The following MTREX variants were observed in gnomAD, a reference collection of about 807,000 sequenced individuals.
The protein encoded by MTREX is Mtr4 exosome RNA helicase, also known as exosome RNA helicase MTR4.
In MTREX, 76 loss-of-function variants were observed where a neutral mutation model predicts 135.4. That is an observed-to-expected ratio of 0.56 (90% CI 0.47 to 0.68). The LOEUF (loss-of-function observed/expected upper bound fraction) is 0.68. Ranked by LOEUF, MTREX falls within the 30% of genes least tolerant of loss-of-function variation. The pLI is 0.00. For missense variants in MTREX, 920 were observed against 1,262.1 expected (o/e 0.73, Z 4.11); for synonymous variants, 404 against 401.6 (o/e 1.01, Z -0.07).
chr5:55,335,122 A>T (rs1196917070), intron 5 of MTREX, among the ~76,000 whole-genome samples: 1 of 151,934 alleles, frequency 6.6e-6, no homozygotes, highest in Non-Finnish European at 1.5e-5. Context: ...TCATTTCTTT[A>T]TATATCTTTG....
chr5:55,418,611 C>T (rs899040151), intron 25 of MTREX, among the ~76,000 whole-genome samples: 4 of 151,798 alleles, frequency 2.6e-5, no homozygotes, highest in Non-Finnish European at 5.9e-5. Flanking sequence ...TTAGATCTAA[C>T]ATCTGCATAA....
intron 1 of MTREX, among the ~76,000 whole-genome samples, chr5:55,321,142 A>T (rs1044661213): frequency 3.3e-5 from 5 of 152,190 alleles, no homozygotes; most frequent in African/African-American, 9.6e-5. Context: ...ATTTAAAAAA[A>T]TTTTAATCTT....
At chr5:55,408,917 TTTTATTTATTTATTTA>T (rs140029940) in intron 22 of MTREX, among the ~76,000 whole-genome samples, 112,950 of 144,176 alleles carry the variant, frequency 0.78, 45,290 homozygotes, top group Middle Eastern at 0.88. Context: ...TGAACAATAT[TTTTATTTATTTATTTA>T]TTTATTTATT....
chr5:55,416,754 T>TTGGC, intron 25 of MTREX, among the ~76,000 whole-genome samples: 1 of 152,196 alleles, frequency 6.6e-6, no homozygotes, highest in African/African-American at 2.4e-5. Context: ...AAAAGATTGG[T>TTGGC]TTGTGTGTTT....
rs779164489 is a variant in MTREX at position 55,324,194 on chromosome 5, A to G, written c.335A>G (p.His112Arg). ...GTTGAAACTGTTGAAGGGTGTACAC[A>G]TGAGGTAAGCACAAACAGCATACAG... Reference protein sequence around the residue: ...QSVETVEGCTHEVALPAEEDY... With the variant: ...QSVETVEGCTREVALPAEEDY... Residue 112 changes from histidine to arginine, a missense_variant, in exon 3 of 27, where the codon CAT becomes CGT. Transcript: ENST00000230640. The G allele has an allele frequency of 4.4e-6, 7 of 1,607,898 alleles. No individual in the cohort carries two copies. Among genetic ancestry groups the G allele is most frequent in the South Asian group, 1.1e-5 (1 of 90,602 alleles).
chr5:55,318,464 T>C lies in MTREX; in HGVS notation c.135-3863T>C, dbSNP rs546141412. On this transcript the variant is annotated intron_variant, in intron 1 of 26. Coordinates refer to ENST00000230640, the MANE Select transcript of MTREX (RefSeq NM_015360.5). ...GTGAAAAAGAATGAGATCATGTCTT[T>C]TGCAGGAACATGGATGGAGCTGGAG... is the stretch of plus-strand genomic sequence containing the variant. 8.5e-5 allele frequency among the ~76,000 whole-genome samples: 13 copies of C among 152,368 alleles called. No homozygotes were observed. The East Asian group carries it at 1.9e-3, about 23-fold the overall frequency.
At chr5:55,340,533 G>T (rs16884079) in intron 6 of MTREX, among the ~76,000 whole-genome samples, 19,298 of 149,454 alleles carry the variant, frequency 0.13, 1,423 homozygotes, top group East Asian at 0.26. Context: ...TGACTTTGCC[G>T]TCTTCTATAT....
intron 18 of MTREX, among the ~76,000 whole-genome samples, chr5:55,386,399 T>G (rs901420237): frequency 6.6e-6 from 1 of 152,166 alleles, no homozygotes; most frequent in African/African-American, 2.4e-5. Context: ...TAACTAGTTT[T>G]TTTATCTGAA....
Position 55,353,179 on chromosome 5 carries a change from C to T in MTREX, c.1443C>T (p.Ala481=), listed in dbSNP as rs1362084419. The T allele has an allele frequency of 7.5e-6, 12 of 1,589,904 alleles. No individual in the cohort carries two copies. The highest frequency in any genetic ancestry group is 1.2e-5 in the South Asian group (1 of 86,418). The change falls in exon 14 of 27, where the codon GCC becomes GCT. Residue 481 remains alanine (A), a synonymous_variant. Coordinates refer to ENST00000230640, the MANE Select transcript of MTREX (RefSeq NM_015360.5). ...FSEGLIKALF[A]TETFAMGINM... is the part of the protein sequence containing the mutation. ...ACTTATTTACTTAGGCCTTATTTGCCACGGAGACCTTTGCTATGGGAATTA... is the reference window on the plus strand; with the variant it reads ...ACTTATTTACTTAGGCCTTATTTGCTACGGAGACCTTTGCTATGGGAATTA...
At chr5:55,401,071 G>A (rs753699039) in intron 21 of MTREX, among the ~76,000 whole-genome samples, 7 of 152,222 alleles carry the variant, frequency 4.6e-5, no homozygotes, top group South Asian at 2.1e-4. Context: ...GTCCTGCTCC[G>A]TCACCCAGGC....
chr5:55,394,974 A>C (rs1270039739), intron 19 of MTREX, among the ~76,000 whole-genome samples: 1 of 152,006 alleles, frequency 6.6e-6, no homozygotes, highest in East Asian at 1.9e-4. Context: ...CGGAGATTGC[A>C]GTGAACCGAG....
chr5:55,399,040 T>G (rs1270092212), intron 20 of MTREX, among the ~76,000 whole-genome samples: 1 of 152,160 alleles, frequency 6.6e-6, no homozygotes, highest in Non-Finnish European at 1.5e-5. Flanking sequence ...AACCGCAATT[T>G]TAGTGTTTTC....
At chr5:55,354,333 TGCTAA>T (rs1206557356) in intron 14 of MTREX, among the ~76,000 whole-genome samples, 1 of 152,212 alleles carries the variant, frequency 6.6e-6, no homozygotes, top group African/African-American at 2.4e-5. Flanking sequence ...GATGAGAATT[TGCTAA>T]GCAGACAGTA....
chr5:55,371,824 A>G, intron 16 of MTREX, among the ~76,000 whole-genome samples: 2 of 152,192 alleles, frequency 1.3e-5, no homozygotes, highest in East Asian at 3.9e-4. Flanking sequence ...GACTGTACCT[A>G]AAGTTAATAA....
chr5:55,343,865 A>C (rs1749690097), intron 8 of MTREX, among the ~76,000 whole-genome samples: 1 of 152,118 alleles, frequency 6.6e-6, no homozygotes, highest in Admixed American at 6.5e-5. Flanking sequence ...TCTCATGTAA[A>C]CACAGACTTT....
At chr5:55,370,191 G>A (rs1750173997) in intron 16 of MTREX, among the ~76,000 whole-genome samples, 1 of 152,056 alleles carries the variant, frequency 6.6e-6, no homozygotes, top group Admixed American at 6.6e-5. Context: ...CCAAAGTGCT[G>A]GGATTATAGG....
Position 55,345,082 on chromosome 5 carries a change from TTG to T in MTREX, c.1006-9_1006-8del. 6.4e-7 allele frequency: 1 copy of T among 1,565,760 alleles called. No homozygotes were observed. Among genetic ancestry groups the T allele is most frequent in the Non-Finnish European group, 8.8e-7 (1 of 1,142,122 alleles). ...ATTAGTGAAGTTACACAGAAAAAATTTGTGATTCCAGGGTGACTTCAGAGAAG... is the reference window on the plus strand; with the variant it reads ...ATTAGTGAAGTTACACAGAAAAAATTTGATTCCAGGGTGACTTCAGAGAAG... On this transcript the variant is annotated splice_polypyrimidine_tract_variant and intron_variant, in intron 9 of 26. Transcript: ENST00000230640.
intron 6 of MTREX, among the ~76,000 whole-genome samples, chr5:55,341,007 G>C (rs1431590801): frequency 6.6e-6 from 1 of 152,062 alleles, no homozygotes; most frequent in Admixed American, 6.5e-5. Context: ...AAGTATTTTT[G>C]TACATACTTT....
intron 16 of MTREX, among the ~76,000 whole-genome samples, chr5:55,368,787 A>G (rs1750147081): frequency 6.7e-6 from 1 of 150,252 alleles, no homozygotes; most frequent in Non-Finnish European, 1.5e-5. Flanking sequence ...ATGAGAATAA[A>G]TGTAACCTCT....
Sources: allele counts gnomAD v4.1 joint callset (sites outside exome capture counted in the v4.1 genomes callset), GRCh38; gene constraint gnomAD v4.1.1; transcripts MANE v1.5; gene names NCBI Gene and HGNC (gene_info 2026-07-23, HGNC 2026-07-21).